MMP25: variants seen among roughly 807,000 people sequenced by gnomAD.
MMP25 encodes the protein matrix metallopeptidase 25.
In MMP25, 68 loss-of-function variants were observed where a neutral mutation model predicts 62.1. The observed-to-expected ratio is 1.10, with a 90% confidence interval of 0.90 to 1.34. The LOEUF (loss-of-function observed/expected upper bound fraction) is 1.34, where lower values mean the gene tolerates loss of function less well. Among genes scored for constraint, MMP25 ranks in the 40% most tolerant of loss-of-function variants. The pLI is 0.00. For synonymous variants in MMP25, 407 were observed against 345.6 expected, an observed-to-expected ratio of 1.18 and a Z score of -1.97; for missense variants, 942 against 792.5, an observed-to-expected ratio of 1.19 and a Z score of -2.26.
chr16:3,047,303 G>A, intron 1 of MMP25, 112 bp from the exon 2 acceptor site: 1 of 1,464,382 alleles, frequency 6.8e-7, no homozygotes, highest in Non-Finnish European at 9.2e-7. Flanking sequence ...TCCGGGGCTG[G>A]GGCCCTGGGC....
intron 7 of MMP25, 124 bp downstream of exon 7, chr16:3,057,737 T>C: frequency 1.1e-6 from 1 of 893,036 alleles, no homozygotes; most frequent in Non-Finnish European, 1.8e-6. Context: ...CTTGCTTTGT[T>C]GCCTGGGCCG....
intron 1 of MMP25, 30 bp from the exon 2 acceptor site, chr16:3,047,385 C>A (rs1955835476): frequency 6.3e-7 from 1 of 1,596,016 alleles, no homozygotes; most frequent in Non-Finnish European, 8.6e-7. Context: ...TTCACCCAGC[C>A]CGCTTCACCT....
chr16:3,058,384 C>A, intron 8 of MMP25, 28 bp from the exon 9 acceptor site: 5 of 1,509,904 alleles, frequency 3.3e-6, no homozygotes, highest in Non-Finnish European at 4.4e-6. Flanking sequence ...GGGAGCCCAC[C>A]CCTGACCTCC....
At position 3,055,424 on chromosome 16, in the gene MMP25, TACAGTCGACAGGGA is replaced by T. The variant is rs546386108; in HGVS notation, c.662-1607_662-1594del. 6.7e-4 allele frequency among the ~76,000 whole-genome samples: 102 copies of T among 152,282 alleles called. No homozygotes were observed. The East Asian group carries it at 0.015, about 23-fold the overall frequency. On this transcript the variant is annotated intron_variant, in intron 4 of 9. Transcript: ENST00000336577. ...AAGGACTCAGAGCAACAAGAGAACCTACAGTCGACAGGGAAATTCGTCAGTGCGGATGTGATTTG... is the reference window on the plus strand; with the variant it reads ...AAGGACTCAGAGCAACAAGAGAACCTAATTCGTCAGTGCGGATGTGATTTG...
chr16:3,047,586 C>T (rs766465107), intron 2 of MMP25, 39 bp downstream of exon 2: 3 of 1,601,990 alleles, frequency 1.9e-6, no homozygotes, highest in South Asian at 1.1e-5. Flanking sequence ...TGCCTCTGCA[C>T]CCAGCCTGTC....
chr16:3,050,041 C>T lies in MMP25; in HGVS notation c.265C>T (p.Arg89Cys), dbSNP rs780865515. Residue 89 changes from arginine to cysteine, a missense_variant, in exon 3 of 10, where the codon CGC becomes TGC. Transcript: ENST00000336577. The stretch of plus-strand genomic sequence containing the variant: ...GACAGTGGCCACCATGCGTAAGCCC[C>T]GCTGCTCCCTGCCTGACGTGCTGGG... ...PGTVATMRKP[R>C]CSLPDVLGVA... The T allele has an allele frequency of 9.9e-6, 16 of 1,610,566 alleles. No individual in the cohort carries two copies. Among genetic ancestry groups the T allele is most frequent in the South Asian group, 3.3e-5 (3 of 91,090 alleles).
intron 7 of MMP25, chr16:3,057,870 T>A (rs527877210): frequency 1.7e-6 from 1 of 582,474 alleles, no homozygotes; most frequent in South Asian, 2.1e-5. Flanking sequence ...TGCTAGTAAT[T>A]TATTTTATTA....
intron 4 of MMP25, chr16:3,055,821 T>C (rs1955996667): frequency 2.2e-6 from 1 of 455,052 alleles, no homozygotes; most frequent in Non-Finnish European, 4.4e-6. Flanking sequence ...TCTGTCTTGG[T>C]CTCTTCAGGC....
rs767346400 is a variant in MMP25 at position 3,047,407 on chromosome 16, T to C, written c.100-8T>C. 9 of 1,608,232 alleles carry C rather than the reference T, an allele frequency of 5.6e-6. No individual in the cohort carries two copies. Among genetic ancestry groups the C allele is most frequent in the South Asian group, 5.5e-5 (5 of 90,708 alleles). On this transcript the variant is annotated splice_polypyrimidine_tract_variant and splice_region_variant and intron_variant, in intron 1 of 9. Coordinates refer to ENST00000336577, the MANE Select transcript of MMP25 (RefSeq NM_022468.5). ...AGCCCGCTTCACCTGCCCCCTCCGA[T>C]GCCCTAGGACTGGCTGACTCGCTAT...
chr16:3,057,360 C>T lies in MMP25; in HGVS notation c.889C>T (p.Pro297Ser). 1 of 1,613,736 alleles carries T rather than the reference C, an allele frequency of 6.2e-7. No homozygotes were observed. The highest frequency in any genetic ancestry group is 8.5e-7 in the Non-Finnish European group (1 of 1,179,860). ...YDKPTRKPLA[P>S]PPQPPASPTH... The stretch of plus-strand genomic sequence containing the variant: ...CAAGCCCACAAGGAAACCCCTGGCT[C>T]CTCCGCCCCAGCCCCCGGCCTCGCC... The change falls in exon 6 of 10, where the codon CCT becomes TCT. Residue 297 changes from proline (P) to serine (S), a missense_variant. Physicochemically the swap from Pro to Ser is moderately conservative, Grantham distance 74. Transcript: ENST00000336577.
rs1215546855 is a variant in MMP25 at position 3,047,125 on chromosome 16, A to G, written c.99+109A>G. ...GGCAGGGGCCAGATTCCAATATCCA[A>G]AGAGTGACTGAGGATGGGGTCTGTG... On this transcript the variant is annotated intron_variant, in intron 1 of 9. Transcript: ENST00000336577. The G allele has an allele frequency of 1.2e-5, 15 of 1,220,730 alleles. No individual in the cohort carries two copies. The Admixed American group carries it at 2.4e-4, about 20-fold the overall frequency. 75.6% of individuals were successfully genotyped at this position (1,220,730 alleles called of 1,614,324 possible).
intron 4 of MMP25, chr16:3,052,208 G>A (rs1064875): frequency 0.21 from 32,355 of 151,798 alleles, 3,563 homozygotes; most frequent in Admixed American, 0.25. Flanking sequence ...ACAGAGTTCC[G>A]CTCTCCCCAG....
In MMP25 at chr16:3,047,396, G is replaced by GC; in HGVS notation, c.100-14dup. ...ACTTTTCACCCAGCCCGCTTCACCT[G>GC]CCCCCTCCGATGCCCTAGGACTGGC... is the stretch of plus-strand genomic sequence containing the variant. On this transcript the variant is annotated intron_variant, in intron 1 of 9. Coordinates refer to ENST00000336577, the MANE Select transcript of MMP25 (RefSeq NM_022468.5). 6.2e-7 allele frequency: 1 copy of GC among 1,604,812 alleles called. No individual in the cohort carries two copies. Among genetic ancestry groups the GC allele is most frequent in the South Asian group, 1.1e-5 (1 of 90,446 alleles).
Position 3,059,187 on chromosome 16 carries a change from G to A in MMP25, c.*89G>A, listed in dbSNP as rs903545197. 3 of 1,393,598 alleles carry A rather than the reference G, an allele frequency of 2.2e-6. No homozygotes were observed. Among genetic ancestry groups the A allele is most frequent in the Admixed American group, 5.5e-5 (2 of 36,070 alleles). The allele number at this position is 1,393,598 out of a possible 1,614,324, so 86.3% of individuals were successfully genotyped here. On this transcript the variant is annotated 3_prime_UTR_variant, in exon 10 of 10. Transcript: ENST00000336577. Reference sequence around the variant, plus strand: ...TCGGGGGTTGTGAGGCGCTGCGGAGGCCCCTTGTCTGTTCCCACGGACGGG... The same window carrying A: ...TCGGGGGTTGTGAGGCGCTGCGGAGACCCCTTGTCTGTTCCCACGGACGGG...
intron 4 of MMP25, chr16:3,051,727 C>T (rs1424982260): frequency 6.6e-6 from 1 of 152,166 alleles, no homozygotes; most frequent in East Asian, 1.9e-4. Flanking sequence ...CACAGAATCC[C>T]AGCAGAGGAA....
At position 3,058,564 on chromosome 16, in the gene MMP25, C is replaced by T. The variant is rs1287649952; in HGVS notation, c.1312C>T (p.Arg438Cys). 1 of 1,610,564 alleles carries T rather than the reference C, an allele frequency of 6.2e-7. No homozygotes were observed. Residue 438 changes from arginine (R) to cysteine (C), a missense_variant, in exon 9 of 10, where the codon CGC (arginine) becomes TGC (cysteine). Physicochemically the swap from Arg to Cys is radical, Grantham distance 180 (BLOSUM62 -3). Transcript: ENST00000336577. ...TYLVRGRQYW[R>C]YDEAAARPDP... ...CCTGGTCCGCGGCCGGCAGTACTGGCGCTACGACGAGGCGGCGGCGCGCCC... is the reference window on the plus strand; with the variant it reads ...CCTGGTCCGCGGCCGGCAGTACTGGTGCTACGACGAGGCGGCGGCGCGCCC...
chr16:3,050,265 T>TC lies in MMP25; in HGVS notation c.385dup (p.Gln129ProfsTer31). 6.3e-7 allele frequency: 1 copy of TC among 1,597,146 alleles called. No individual in the cohort carries two copies. The highest frequency in any genetic ancestry group is 8.6e-7 in the Non-Finnish European group (1 of 1,169,032). On this transcript the variant is annotated frameshift_variant, in exon 4 of 10. Transcript: ENST00000336577. LOFTEE classifies it high-confidence loss of function. ...TCCCCTCTCCCCAGGGTACGTTCCT[T>TC]CCCCCAGAGCTCCCAGCTGAGCCAG...
intron 1 of MMP25, 125 bp from the exon 2 acceptor site, chr16:3,047,290 G>A (rs1204980848): frequency 7.1e-7 from 1 of 1,399,800 alleles, no homozygotes; most frequent in Non-Finnish European, 9.6e-7. Flanking sequence ...GAGCAGGCAG[G>A]CATCCGGGGC....
rs138027517 is a variant in MMP25 at position 3,050,058 on chromosome 16, C to T, written c.282C>T (p.Asp94=). 90 of 1,611,038 alleles carry T rather than the reference C, an allele frequency of 5.6e-5. No homozygotes were observed. The Admixed American group carries it at 9.7e-4, about 17-fold the overall frequency. The change falls in exon 3 of 10, where the codon GAC becomes GAT. Residue 94 remains aspartate, a synonymous_variant. Coordinates refer to ENST00000336577, the MANE Select transcript of MMP25 (RefSeq NM_022468.5). ...GTAAGCCCCGCTGCTCCCTGCCTGA[C>T]GTGCTGGGGGTGGCGGGGCTGGTCA... ...TMRKPRCSLP[D]VLGVAGLVRR...
Sources: gnomAD v4.1 joint callset for allele counts (sites outside exome capture counted in the v4.1 genomes callset) on GRCh38, gnomAD v4.1.1 for gene constraint, MANE v1.5 for transcripts, NCBI Gene and HGNC (gene_info 2026-07-23, HGNC 2026-07-21) for gene names.